Variants in CNTN1 observed in about 807,000 individuals in gnomAD.
CNTN1 encodes the protein contactin-1.
In CNTN1, 38 loss-of-function variants were observed where a neutral mutation model predicts 126.4. The ratio of observed to expected loss-of-function variants is 0.30; its 90% CI spans 0.23 to 0.39. The LOEUF is 0.39. Ranked by LOEUF, CNTN1 falls within the 10% of genes least tolerant of loss-of-function variation. The pLI is 1.00. For synonymous variants in CNTN1, 413 were observed against 422.6 expected (o/e 0.98, Z 0.28); for missense variants, 1,009 against 1,248.4 (o/e 0.81, Z 2.89).
intron 5 of CNTN1, among the ~76,000 whole-genome samples, chr12:40,922,835 G>T (rs1396610407): frequency 6.6e-6 from 1 of 152,034 alleles, no homozygotes; most frequent in East Asian, 1.9e-4. Flanking sequence ...GCTGGGCGTT[G>T]TGGTGCATGC....
At chr12:40,965,765 G>A (rs1206719507) in intron 15 of CNTN1, among the ~76,000 whole-genome samples, 4 of 152,034 alleles carry the variant, frequency 2.6e-5, no homozygotes, top group Non-Finnish European at 5.9e-5. Context: ...GTGGTATCTG[G>A]CATAAATGTT....
At chr12:40,783,815 T>A (rs1332473972) in intron 1 of CNTN1, among the ~76,000 whole-genome samples, 1 of 152,122 alleles carries the variant, frequency 6.6e-6, no homozygotes, top group African/African-American at 2.4e-5. Flanking sequence ...CTGAGGTAAA[T>A]ATTATAAAAA....
intron 15 of CNTN1, among the ~76,000 whole-genome samples, chr12:40,960,284 C>T (rs1293037260): frequency 6.6e-6 from 1 of 151,800 alleles, no homozygotes; most frequent in Non-Finnish European, 1.5e-5. Context: ...CTCTTTCTGT[C>T]TCAGTGTCAG....
chr12:40,993,999 T>C (rs1303519287), intron 17 of CNTN1, among the ~76,000 whole-genome samples: 2 of 152,144 alleles, frequency 1.3e-5, no homozygotes, highest in Non-Finnish European at 2.9e-5. Context: ...AAGAATTAGA[T>C]TGAATCTCTC....
intron 1 of CNTN1, among the ~76,000 whole-genome samples, chr12:40,816,961 G>T (rs768866624): frequency 6.6e-6 from 1 of 152,194 alleles, no homozygotes; most frequent in Non-Finnish European, 1.5e-5. Context: ...GTAGTTTTGT[G>T]TGAGTTTCTT....
At chr12:40,732,381 C>T (rs1463460233) in intron 1 of CNTN1, among the ~76,000 whole-genome samples, 1 of 151,978 alleles carries the variant, frequency 6.6e-6, no homozygotes, top group African/African-American at 2.4e-5. Flanking sequence ...AGAACTGCAG[C>T]ATAATATTTT....
At chr12:40,833,733 G>A (rs1266682192) in intron 1 of CNTN1, among the ~76,000 whole-genome samples, 3 of 152,092 alleles carry the variant, frequency 2.0e-5, no homozygotes, top group Non-Finnish European at 4.4e-5. Context: ...GCAATTAGAA[G>A]TTTTCAGTCT....
intron 15 of CNTN1, among the ~76,000 whole-genome samples, chr12:40,967,279 G>T (rs549688732): frequency 2.0e-5 from 3 of 151,918 alleles, no homozygotes; most frequent in African/African-American, 7.3e-5. Context: ...TCAGGAGTTC[G>T]AGACCAACCT....
chr12:40,799,099 G>A (rs1940551981), intron 1 of CNTN1, among the ~76,000 whole-genome samples: 1 of 151,624 alleles, frequency 6.6e-6, no homozygotes, highest in Non-Finnish European at 1.5e-5. Flanking sequence ...TTGGAAACAT[G>A]AGATTTGATA....
intron 1 of CNTN1, among the ~76,000 whole-genome samples, chr12:40,759,827 G>A (rs1378845045): frequency 6.7e-6 from 1 of 148,522 alleles, no homozygotes; most frequent in East Asian, 2.0e-4. Context: ...GAGTGAATCA[G>A]GCAACAACTT....
chr12:40,903,084 G>A (rs1175611103), intron 1 of CNTN1, among the ~76,000 whole-genome samples: 1 of 152,228 alleles, frequency 6.6e-6, no homozygotes, highest in Non-Finnish European at 1.5e-5. Context: ...AACAGAAGGT[G>A]AATTCTCCTG....
At chr12:41,035,896 G>A (rs1338056789) in intron 23 of CNTN1, among the ~76,000 whole-genome samples, 1 of 151,938 alleles carries the variant, frequency 6.6e-6, no homozygotes, top group Non-Finnish European at 1.5e-5. Flanking sequence ...GCAATACTCA[G>A]ATGTTTGTAA....
intron 23 of CNTN1, among the ~76,000 whole-genome samples, chr12:41,052,157 A>G (rs907531263): frequency 2.6e-5 from 4 of 152,160 alleles, no homozygotes; most frequent in African/African-American, 9.7e-5. Flanking sequence ...AGTACAGTTT[A>G]TATCCCGGAT....
At chr12:40,949,955 T>C (rs886500269) in intron 14 of CNTN1, among the ~76,000 whole-genome samples, 1 of 151,926 alleles carries the variant, frequency 6.6e-6, no homozygotes, top group Non-Finnish European at 1.5e-5. Flanking sequence ...CAATAATCCT[T>C]GGTAAGAATC....
chr12:40,901,941 A>ACT (rs1205584863), intron 1 of CNTN1, among the ~76,000 whole-genome samples: 1 of 152,224 alleles, frequency 6.6e-6, no homozygotes, highest in Admixed American at 6.5e-5. Context: ...GGCTGATCTA[A>ACT]AACATACCAT....
intron 1 of CNTN1, among the ~76,000 whole-genome samples, chr12:40,774,444 G>A (rs995441577): frequency 2.6e-5 from 4 of 151,656 alleles, no homozygotes; most frequent in Admixed American, 1.3e-4. Flanking sequence ...TTATTCATGA[G>A]AGGGAAATTT....
At chr12:40,722,440 T>A (rs1196987958) in intron 1 of CNTN1, among the ~76,000 whole-genome samples, 1 of 152,186 alleles carries the variant, frequency 6.6e-6, no homozygotes, top group Non-Finnish European at 1.5e-5. Context: ...AAAACATATC[T>A]GGCCCTATGA....
intron 3 of CNTN1, among the ~76,000 whole-genome samples, chr12:40,914,044 T>TAA (rs11396311): frequency 1.3e-5 from 2 of 151,832 alleles, no homozygotes; most frequent in Non-Finnish European, 2.9e-5. Context: ...ATCTATCTAG[T>TAA]AAAAAAAAGG....
At chr12:40,789,394 A>ATTTTTTACTTCATGTTTCATTGTGTTG (rs1565738361) in intron 1 of CNTN1, among the ~76,000 whole-genome samples, 2 of 30,722 alleles carry the variant, frequency 6.5e-5, no homozygotes, top group African/African-American at 1.6e-4. Flanking sequence ...TGTTGCAATG[A>ATTTTTTACTTCATGTTTCATTGTGTTG]AAACAACCTA....
Sources: gnomAD v4.1 joint callset for allele counts (sites outside exome capture counted in the v4.1 genomes callset) on GRCh38, gnomAD v4.1.1 for gene constraint, MANE v1.5 for transcripts, NCBI Gene and HGNC (gene_info 2026-07-23, HGNC 2026-07-21) for gene names.